DOCK9: variants seen among roughly 807,000 people sequenced by gnomAD.
DOCK9 encodes dedicator of cytokinesis 9, also known as dedicator of cytokinesis protein 9.
In DOCK9, 89 loss-of-function variants were observed where a neutral mutation model predicts 263.3. The observed-to-expected ratio is 0.34, with a 90% CI of 0.28 to 0.40. DOCK9 has a LOEUF of 0.40. Ranked by LOEUF, DOCK9 falls within the 10% of genes least tolerant of loss-of-function variation. The pLI is 1.00. For synonymous variants in DOCK9, 976 were observed against 973.1 expected (o/e 1.00, Z -0.06); for missense variants, 2,140 against 2,603.4 (o/e 0.82, Z 3.87).
At chr13:98,821,037 A>G (rs1478006192) in intron 45 of DOCK9, among the ~76,000 whole-genome samples, 1 of 152,168 alleles carries the variant, frequency 6.6e-6, no homozygotes, top group Non-Finnish European at 1.5e-5. Context: ...GAATGACCAC[A>G]AAAGTACCAA....
chr13:98,846,012 T>C lies in DOCK9; in HGVS notation c.4110A>G (p.Thr1370=), dbSNP rs2093379443. 2 of 1,607,160 alleles carry C rather than the reference T, an allele frequency of 1.2e-6. No homozygotes were observed. Among genetic ancestry groups the C allele is most frequent in the South Asian group, 1.1e-5 (1 of 89,362 alleles). Residue 1370 remains threonine (T), a synonymous_variant, in exon 38 of 53, where the codon ACA becomes ACG. Coordinates refer to ENST00000682017, the MANE Select transcript of DOCK9 (RefSeq NM_001366683.2). ...GPIVHDRKSQ[T]LPVSRNRTGM... ...CTGTTCTGTTACGGGAAACAGGCAA[T>C]GTCTGAGACTTTCGATCATGAACTA...
intron 1 of DOCK9, among the ~76,000 whole-genome samples, chr13:99,045,013 A>C (rs1888820882): frequency 6.6e-6 from 1 of 152,214 alleles, no homozygotes; most frequent in Non-Finnish European, 1.5e-5. Flanking sequence ...GAGATGTCTC[A>C]CTAAGAGGAT....
chr13:98,993,788 TAATA>T (rs4001053), intron 1 of DOCK9, among the ~76,000 whole-genome samples: 6 of 151,572 alleles, frequency 4.0e-5, no homozygotes, highest in Non-Finnish European at 5.9e-5. Context: ...ATATTGTAAA[TAATA>T]AATAAAAGTT....
chr13:98,995,947 G>A (rs180736819), intron 1 of DOCK9, among the ~76,000 whole-genome samples: 4 of 152,232 alleles, frequency 2.6e-5, no homozygotes, highest in East Asian at 3.9e-4. Flanking sequence ...TCAGTGCAGT[G>A]GTCCAGGGGA....
chr13:98,878,495 A>C (rs1452601517), intron 27 of DOCK9, among the ~76,000 whole-genome samples: 1 of 152,194 alleles, frequency 6.6e-6, no homozygotes, highest in Admixed American at 6.5e-5. Context: ...CAGTAAGACA[A>C]CATTTTTTTT....
At chr13:98,875,570 G>C (rs559966111) in intron 27 of DOCK9, among the ~76,000 whole-genome samples, 8 of 152,206 alleles carry the variant, frequency 5.3e-5, no homozygotes, top group Non-Finnish European at 1.0e-4. Flanking sequence ...TGGGAGGAAA[G>C]GAAATGCAAA....
At chr13:99,051,954 T>C (rs185284953) in intron 1 of DOCK9, among the ~76,000 whole-genome samples, 1 of 147,832 alleles carries the variant, frequency 6.8e-6, no homozygotes, top group African/African-American at 2.5e-5. Flanking sequence ...AAACACCACA[T>C]ATGAAAGAGA....
intron 3 of DOCK9, 91 bp downstream of exon 3, chr13:98,930,077 C>A (rs1338339430): frequency 3.5e-6 from 4 of 1,153,310 alleles, no homozygotes; most frequent in Admixed American, 2.0e-5. Context: ...ACCCTTTTGA[C>A]ACTTCCTTGA....
intron 1 of DOCK9, among the ~76,000 whole-genome samples, chr13:99,075,438 G>C (rs965062210): frequency 6.9e-5 from 10 of 145,950 alleles, no homozygotes; most frequent in Non-Finnish European, 1.5e-4. Context: ...CTGCAGCCAT[G>C]ACTTCCTGGA....
At chr13:98,821,181 C>T in intron 45 of DOCK9, among the ~76,000 whole-genome samples, 1 of 152,298 alleles carries the variant, frequency 6.6e-6, no homozygotes, top group East Asian at 1.9e-4. Context: ...GAAGCAGACA[C>T]TGCAGGACTC....
intron 45 of DOCK9, among the ~76,000 whole-genome samples, chr13:98,819,961 G>A (rs1007917616): frequency 2.6e-5 from 4 of 152,220 alleles, no homozygotes; most frequent in Non-Finnish European, 4.4e-5. Flanking sequence ...CAGCAATTCT[G>A]CAATGGCAAG....
intron 45 of DOCK9, among the ~76,000 whole-genome samples, chr13:98,811,883 T>G (rs374857459): frequency 3.6e-4 from 55 of 152,222 alleles, no homozygotes; most frequent in Admixed American, 7.8e-4. Flanking sequence ...AGCTTTATAG[T>G]TTTACATTTT....
Position 98,829,359 on chromosome 13 carries a change from G to A in DOCK9, c.4913C>T (p.Thr1638Met), listed in dbSNP as rs1415353407. Residue 1638 changes from threonine (T) to methionine (M), a missense_variant, in exon 43 of 53, where the codon ACG becomes ATG. Coordinates refer to ENST00000682017, the MANE Select transcript of DOCK9 (RefSeq NM_001366683.2). This position sits in a 1 kb window ranked among gnomAD's most constrained non-coding sequence, Gnocchi z 4.1. Reference protein sequence around the residue: ...SYASTPELRKTWLDSMARIHV... With the variant: ...SYASTPELRKMWLDSMARIHV... ...GATCCTGGCCATGCTGTCGAGCCAC[G>A]TCTTCCTGAGCTCGGGCGTGCTGGC... The A allele has an allele frequency of 6.2e-7, 1 of 1,613,708 alleles. No individual in the cohort carries two copies. Among genetic ancestry groups the A allele is most frequent in the Non-Finnish European group, 8.5e-7 (1 of 1,179,828 alleles).
intron 45 of DOCK9, among the ~76,000 whole-genome samples, chr13:98,814,523 A>T (rs2091629872): frequency 6.6e-6 from 1 of 151,038 alleles, no homozygotes. Flanking sequence ...CTCCTGCCTC[A>T]GCCTCCCAAG....
intron 50 of DOCK9, among the ~76,000 whole-genome samples, chr13:98,799,530 A>C (rs2089854357): frequency 6.6e-6 from 1 of 152,248 alleles, no homozygotes; most frequent in South Asian, 2.1e-4. Flanking sequence ...TACAAACGGG[A>C]AAGCGCATAT....
At chr13:98,927,765 C>T (rs1235200404) in intron 3 of DOCK9, among the ~76,000 whole-genome samples, 4 of 151,734 alleles carry the variant, frequency 2.6e-5, no homozygotes, top group South Asian at 4.2e-4. Flanking sequence ...GGATTACAGG[C>T]GAACACCACG....
At chr13:98,979,891 G>C (rs1391351558), upstream of DOCK9, among the ~76,000 whole-genome samples, 3 of 152,192 alleles carry the variant, frequency 2.0e-5, no homozygotes, top group Admixed American at 6.5e-5. Flanking sequence ...CTTAGTAAAG[G>C]ACAGCCCAAC....
At chr13:98,975,472 TACACACACACAC>T (rs146581245) in intron 1 of DOCK9, among the ~76,000 whole-genome samples, 28 of 142,484 alleles carry the variant, frequency 2.0e-4, no homozygotes, top group East Asian at 4.0e-4. Context: ...TCTAAACACA[TACACACACACAC>T]ACACACACAC....
intron 8 of DOCK9, 119 bp downstream of exon 8, chr13:98,915,210 C>A: frequency 1.1e-6 from 1 of 918,192 alleles, no homozygotes; most frequent in African/African-American, 1.7e-5. Context: ...GTAAAGAGCT[C>A]CTATCCGTCC....
Sources: gnomAD v4.1 joint callset for allele counts (sites outside exome capture counted in the v4.1 genomes callset) on GRCh38, gnomAD v4.1.1 for gene constraint, Gnocchi (gnomAD v3.1) non-coding constraint, MANE v1.5 for transcripts, NCBI Gene and HGNC (gene_info 2026-07-23, HGNC 2026-07-21) for gene names.